Variants in FOXJ3 observed in about 807,000 individuals in gnomAD.
The protein encoded by FOXJ3 is forkhead box J3.
Under a neutral mutation model 76.1 loss-of-function variants are expected in FOXJ3, and 22 were observed. That is an observed-to-expected ratio of 0.29 (90% CI 0.21 to 0.41). The LOEUF (loss-of-function observed/expected upper bound fraction) is 0.41. Ranked by LOEUF, FOXJ3 falls within the 10% of genes least tolerant of loss-of-function variation. The probability of loss-of-function intolerance (pLI) is 1.00; values close to 1 mark genes in which losing one functional copy is unlikely to be tolerated. For synonymous variants in FOXJ3, 269 were observed against 261.2 expected (o/e 1.03, Z -0.29); for missense variants, 613 against 762.1 (o/e 0.80, Z 2.30).
intron 6 of FOXJ3, among the ~76,000 whole-genome samples, chr1:42,203,593 C>T (rs1434982428): frequency 2.0e-5 from 3 of 152,180 alleles, no homozygotes; most frequent in African/African-American, 7.2e-5. Context: ...ATATTTGTCC[C>T]TCCTATTCTG....
intron 1 of FOXJ3, among the ~76,000 whole-genome samples, chr1:42,328,814 C>A (rs1460126556): frequency 6.6e-6 from 1 of 151,688 alleles, no homozygotes; most frequent in Non-Finnish European, 1.5e-5. Flanking sequence ...CTGCAGGAAC[C>A]CACAACCATG....
At chr1:42,274,124 C>T (rs1210263936) in intron 3 of FOXJ3, among the ~76,000 whole-genome samples, 2 of 152,170 alleles carry the variant, frequency 1.3e-5, no homozygotes, top group East Asian at 3.9e-4. Flanking sequence ...CATGTGTGTT[C>T]ATTGCCACAC....
intron 1 of FOXJ3, among the ~76,000 whole-genome samples, chr1:42,319,465 T>G (rs576768672): frequency 3.1e-4 from 47 of 152,218 alleles, no homozygotes; most frequent in Non-Finnish European, 6.2e-4. Flanking sequence ...ATGTGAGTAA[T>G]TAGATAGCAG....
At chr1:42,229,647 G>A (rs1647901658) in intron 4 of FOXJ3, among the ~76,000 whole-genome samples, 1 of 152,066 alleles carries the variant, frequency 6.6e-6, no homozygotes, top group African/African-American at 2.4e-5. Context: ...TACCAGATGT[G>A]GTAAGAACCT....
intron 2 of FOXJ3, among the ~76,000 whole-genome samples, chr1:42,295,150 A>G (rs1318647605): frequency 2.0e-5 from 3 of 152,136 alleles, no homozygotes; most frequent in Non-Finnish European, 4.4e-5. Flanking sequence ...CTTCTAGTGT[A>G]CCCACAATCC....
intron 5 of FOXJ3, among the ~76,000 whole-genome samples, chr1:42,221,967 GAAGAA>G (rs1647196673): frequency 6.8e-5 from 2 of 29,234 alleles, no homozygotes; most frequent in Admixed American, 3.5e-4. Flanking sequence ...AAAAAAAAAA[GAAGAA>G]GGGGGAGGGG....
chr1:42,185,594 T>C (rs939295848), intron 11 of FOXJ3, among the ~76,000 whole-genome samples: 16 of 152,032 alleles, frequency 1.1e-4, no homozygotes, highest in African/African-American at 3.1e-4. Context: ...TAAAAGCTAC[T>C]ACAGGGGTCA....
chr1:42,265,742 C>CA (rs1157575221), intron 3 of FOXJ3, among the ~76,000 whole-genome samples: 2 of 151,910 alleles, frequency 1.3e-5, no homozygotes, highest in African/African-American at 2.4e-5. Flanking sequence ...TGCTCTATTA[C>CA]AAAAAAACAT....
Position 42,179,770 on chromosome 1 carries a change from C to T in FOXJ3, c.1809G>A (p.Met603Ile). 2 of 1,614,058 alleles carry T rather than the reference C, an allele frequency of 1.2e-6. No individual in the cohort carries two copies. The highest frequency in any genetic ancestry group is 1.7e-6 in the Non-Finnish European group (2 of 1,179,986). ...TGTCATCTGGAGGCAGGGAACGCCGCATCTGGAAGGCTTGGGAAGGCATCA... is the reference window on the plus strand; with the variant it reads ...TGTCATCTGGAGGCAGGGAACGCCGTATCTGGAAGGCTTGGGAAGGCATCA... ...QHMMPSQAFQ[M>I]RRSLPPDDIQ... The change falls in exon 13 of 13, where the codon ATG becomes ATA. Residue 603 changes from methionine (M) to isoleucine (I), a missense_variant. Physicochemically the swap from Met to Ile is conservative, Grantham distance 10. This residue lies in a region of FOXJ3 where 526 missense variants were observed against 601.4 expected (regional missense o/e 0.87). Transcript: ENST00000361346.
chr1:42,324,104 G>GTGTATATATAGTGTGTATATATACACTA (rs776964079), intron 1 of FOXJ3, among the ~76,000 whole-genome samples: 4 of 88,954 alleles, frequency 4.5e-5, no homozygotes, highest in Non-Finnish European at 6.2e-5. Context: ...TATATACTGT[G>GTGTATATATAGTGTGTATATATACACTA]TATATACACT....
chr1:42,205,706 C>T, intron 6 of FOXJ3, 56 bp downstream of exon 6: 1 of 990,894 alleles, frequency 1.0e-6, no homozygotes, highest in Admixed American at 1.8e-5. Context: ...ATTACAAAGG[C>T]AAATTAAATG....
At chr1:42,250,552 A>G (rs1649941702) in intron 4 of FOXJ3, among the ~76,000 whole-genome samples, 1 of 152,156 alleles carries the variant, frequency 6.6e-6, no homozygotes, top group African/African-American at 2.4e-5. Flanking sequence ...CTATAATTAA[A>G]AAGTCCAGTA....
intron 7 of FOXJ3, 110 bp downstream of exon 7, chr1:42,198,992 T>G: frequency 1.2e-6 from 1 of 815,222 alleles, no homozygotes; most frequent in Non-Finnish European, 1.9e-6. Context: ...AATAAATTTA[T>G]TAGTGAGAAA....
At chr1:42,236,959 T>C (rs992331249) in intron 4 of FOXJ3, among the ~76,000 whole-genome samples, 1 of 152,252 alleles carries the variant, frequency 6.6e-6, no homozygotes, top group African/African-American at 2.4e-5. Flanking sequence ...CTTTGTAAAG[T>C]GTCTATTGAT....
intron 11 of FOXJ3, among the ~76,000 whole-genome samples, chr1:42,185,731 A>G (rs1258688428): frequency 6.6e-6 from 1 of 152,138 alleles, no homozygotes; most frequent in Non-Finnish European, 1.5e-5. Flanking sequence ...AGAATAGTAG[A>G]GCCAGAAGAT....
chr1:42,331,356 T>C (rs1421179599), intron 1 of FOXJ3, among the ~76,000 whole-genome samples: 2 of 152,036 alleles, frequency 1.3e-5, no homozygotes, highest in Admixed American at 1.3e-4. Flanking sequence ...CACTCCAGCC[T>C]AGGCGACAGA....
intron 2 of FOXJ3, among the ~76,000 whole-genome samples, chr1:42,294,589 T>C (rs1653658801): frequency 6.6e-6 from 1 of 151,810 alleles, no homozygotes; most frequent in Non-Finnish European, 1.5e-5. Context: ...CGAAACCCCA[T>C]CTCTACTAAA....
intron 5 of FOXJ3, among the ~76,000 whole-genome samples, chr1:42,209,189 A>AACAAATTCAGTAACGT (rs1553157473): frequency 6.6e-6 from 1 of 152,272 alleles, no homozygotes; most frequent in Non-Finnish European, 1.5e-5. Context: ...TAAAGTTGTA[A>AACAAATTCAGTAACGT]ACAAATTCAG....
intron 6 of FOXJ3, 27 bp from the exon 7 acceptor site, chr1:42,199,257 T>C (rs966726371): frequency 6.3e-7 from 1 of 1,597,544 alleles, no homozygotes; most frequent in Non-Finnish European, 8.6e-7. Context: ...AAAATGACAA[T>C]TGAATATAAG....
Sources: gnomAD v4.1 joint callset for allele counts (sites outside exome capture counted in the v4.1 genomes callset) on GRCh38, gnomAD v4.1.1 for gene constraint, gnomAD v4.1.1 regional missense constraint, MANE v1.5 for transcripts, NCBI Gene and HGNC (gene_info 2026-07-23, HGNC 2026-07-21) for gene names.